PREPL: variants seen among roughly 807,000 people sequenced by gnomAD.
The protein encoded by PREPL is prolyl endopeptidase like.
A neutral mutation model predicts 70.6 loss-of-function variants in PREPL; 77 were observed. The observed-to-expected ratio is 1.09, with a 90% CI of 0.91 to 1.32. The LOEUF (loss-of-function observed/expected upper bound fraction) is 1.32. Among genes scored for constraint, PREPL ranks in the 40% most tolerant of loss-of-function variants. PREPL has a pLI of 0.00. For missense variants in PREPL, 1,002 were observed against 778.2 expected, an observed-to-expected ratio of 1.29 and a Z score of -3.42; for synonymous variants, 315 against 264.8, an observed-to-expected ratio of 1.19 and a Z score of -1.84.
rs537444624 is a variant in PREPL at position 44,343,816 on chromosome 2, G to A, written c.278C>T (p.Ser93Phe). ...GCTGAGCTTTATAATTACACAGGTA[G>A]ATGCTTCAGAATCTTCAGTTCTTAT... ...AKIRTEDSEASTCVIIKLSDQ... is the reference protein window; with the variant it reads ...AKIRTEDSEAFTCVIIKLSDQ... The change falls in exon 4 of 14, where the codon TCT (serine) becomes TTT (phenylalanine). Residue 93 changes from serine (S) to phenylalanine (F), a missense_variant. Transcript: ENST00000409411. 6.2e-7 allele frequency: 1 copy of A among 1,613,956 alleles called. No homozygotes were observed. The highest frequency in any genetic ancestry group is 2.2e-5 in the East Asian group (1 of 44,872).
At chr2:44,335,538 A>C (rs1674549186) in intron 7 of PREPL, among the ~76,000 whole-genome samples, 1 of 152,136 alleles carries the variant, frequency 6.6e-6, no homozygotes, top group South Asian at 2.1e-4. Flanking sequence ...TCCTTACACC[A>C]TATATACAAA....
At chr2:44,354,087 T>G (rs896664687) in intron 1 of PREPL, among the ~76,000 whole-genome samples, 1 of 151,722 alleles carries the variant, frequency 6.6e-6, no homozygotes, top group South Asian at 2.1e-4. Context: ...GCCCAGGAGG[T>G]TGAGGCTGCA....
chr2:44,361,248 G>A (rs1572605647), intron 1 of PREPL, 132 bp downstream of exon 1: 1 of 152,500 alleles, frequency 6.6e-6, no homozygotes, highest in South Asian at 2.1e-4. Flanking sequence ...GCAACAGGGA[G>A]AGGGACCAGG....
rs1672877404 is a variant in PREPL, at chr2:44,320,798, GA to G, written c.*557del. 3.0e-6 allele frequency: 2 copies of G among 672,828 alleles called. No homozygotes were observed. The highest frequency in any genetic ancestry group is 5.1e-6 in the Non-Finnish European group (2 of 390,596). The allele number at this position is 672,828 out of a possible 1,614,324, so 41.7% of individuals were successfully genotyped here. A position where few individuals can be genotyped will look rare whatever the true frequency, so the allele number is the denominator to read the frequency against. ...TTTAAGAAAGGTTCTCAAATGTTTTGAAAAAAATAAAATGTTTAAAAGTAAA... is the reference window on the plus strand; with the variant it reads ...TTTAAGAAAGGTTCTCAAATGTTTTGAAAAAATAAAATGTTTAAAAGTAAA... On this transcript the variant is annotated 3_prime_UTR_variant, in exon 14 of 14. Coordinates refer to ENST00000409411, the MANE Select transcript of PREPL (RefSeq NM_001171613.2).
chr2:44,340,197 T>C (rs1043934525), intron 5 of PREPL, among the ~76,000 whole-genome samples: 1 of 152,090 alleles, frequency 6.6e-6, no homozygotes, highest in Non-Finnish European at 1.5e-5. Context: ...AAAATTTAGA[T>C]TTTAATGTTT....
intron 12 of PREPL, 60 bp from the exon 13 acceptor site, chr2:44,321,960 G>C (rs749368989): frequency 6.0e-6 from 9 of 1,497,032 alleles, no homozygotes; most frequent in Admixed American, 1.9e-5. Flanking sequence ...TTGGAAGATC[G>C]AGACCCATTC....
chr2:44,359,767 G>A (rs1470208133), intron 1 of PREPL: 1 of 1,268,452 alleles, frequency 7.9e-7, no homozygotes, highest in East Asian at 2.3e-5. Context: ...GCACACGAAT[G>A]ATTTTATAGG....
chr2:44,321,984 T>G, intron 12 of PREPL, 84 bp from the exon 13 acceptor site: 1 of 1,363,836 alleles, frequency 7.3e-7, no homozygotes, highest in East Asian at 2.3e-5. Flanking sequence ...CCCTCTTCTT[T>G]GAGTACTCAG....
chr2:44,333,326 G>T (rs1450769055), intron 7 of PREPL, among the ~76,000 whole-genome samples: 1 of 152,136 alleles, frequency 6.6e-6, no homozygotes, highest in African/African-American at 2.4e-5. Flanking sequence ...TCTCAGAGCA[G>T]CAGGGTCCAG....
rs148092524 is a variant in PREPL at position 44,322,730 on chromosome 2, C to A, written c.1753+1G>T. The A allele has an allele frequency of 2.4e-4, 390 of 1,612,814 alleles. 2 individuals carry two copies. In the East Asian group the frequency reaches 7.1e-3, roughly 29 times the overall value. ...TTCCCTGCTTCTAGGGGGTCTCCTA[C>A]CTTCACCTGTGTCCTTAGCATGCTC... On this transcript the variant is annotated splice_donor_variant, in intron 12 of 13. Transcript: ENST00000409411. LOFTEE classifies it high-confidence loss of function.
intron 10 of PREPL, 130 bp downstream of exon 10, chr2:44,326,582 A>C (rs1673521420): frequency 2.2e-6 from 2 of 894,626 alleles, no homozygotes; most frequent in East Asian, 4.9e-5. Flanking sequence ...CAATCTGCCC[A>C]CCTCAGTTTC....
At chr2:44,358,448 A>T (rs1572589311) in intron 1 of PREPL, among the ~76,000 whole-genome samples, 1 of 152,234 alleles carries the variant, frequency 6.6e-6, no homozygotes, top group Non-Finnish European at 1.5e-5. Flanking sequence ...TATTGCAAGA[A>T]TACCACCCCC....
chr2:44,352,124 G>C lies in PREPL; in HGVS notation c.-48-5734C>G, dbSNP rs146531686. Among the ~76,000 whole-genome samples, 6 of 152,194 alleles carry C rather than the reference G, an allele frequency of 3.9e-5. No homozygotes were observed. In the East Asian group the frequency reaches 7.7e-4, roughly 20 times the overall value. On this transcript the variant is annotated intron_variant, in intron 1 of 13. Transcript: ENST00000409411. ...TGCTCAAATGTCATCTTCTAAGTTA[G>C]GCCTTTCCTAACCATTTTACTAAAA...
chr2:44,337,649 G>A (rs1674771126), intron 7 of PREPL, among the ~76,000 whole-genome samples: 1 of 152,154 alleles, frequency 6.6e-6, no homozygotes, highest in African/African-American at 2.4e-5. Flanking sequence ...TCCCTTCAGT[G>A]CCTACTACCT....
intron 1 of PREPL, among the ~76,000 whole-genome samples, chr2:44,358,263 G>A (rs970109703): frequency 6.6e-6 from 1 of 152,088 alleles, no homozygotes; most frequent in African/African-American, 2.4e-5. Flanking sequence ...CAACACAGAT[G>A]AACTTTGAAA....
Position 44,326,684 on chromosome 2 carries a change from ATAAACAGTAGAGACAGAGCG to A in PREPL, c.1479+8_1479+27del, listed in dbSNP as rs756006345. 1.3e-6 allele frequency: 2 copies of A among 1,597,148 alleles called. No individual in the cohort carries two copies. The highest frequency in any genetic ancestry group is 1.7e-6 in the Non-Finnish European group (2 of 1,166,030). ...TATGGCTTCACACCTCCCCCATTCT[ATAAACAGTAGAGACAGAGCG>A]TACTCACCTCCAAAGTCACCGCTCT... On this transcript the variant is annotated splice_region_variant and intron_variant, in intron 10 of 13. Transcript: ENST00000409411.
At chr2:44,349,912 CTA>C (rs1173129845) in intron 1 of PREPL, among the ~76,000 whole-genome samples, 2 of 151,954 alleles carry the variant, frequency 1.3e-5, no homozygotes, top group African/African-American at 4.8e-5. Context: ...AATAGAAAAG[CTA>C]TATAAGTCAC....
chr2:44,353,025 T>G (rs183990419), intron 1 of PREPL, among the ~76,000 whole-genome samples: 17 of 152,168 alleles, frequency 1.1e-4, no homozygotes, highest in African/African-American at 4.1e-4. Context: ...GACAGGAGGA[T>G]TGCTTGAGCC....
chr2:44,342,434 G>A lies in PREPL; in HGVS notation c.468C>T (p.Tyr156=), dbSNP rs1219540003. The A allele has an allele frequency of 1.2e-6, 2 of 1,612,202 alleles. No individual in the cohort carries two copies. The highest frequency in any genetic ancestry group is 2.2e-5 in the South Asian group (2 of 90,906). ...FGDNKRNERF[Y]TEKDPSYFVF... ...TCTAGTACCTTGGGTCTTTTTCTGT[G>A]TAAAAGCGTTCATTACGTTTGTTAT... The change falls in exon 5 of 14, where the codon TAC becomes TAT. Residue 156 remains tyrosine (Y), a synonymous_variant. Coordinates refer to ENST00000409411, the MANE Select transcript of PREPL (RefSeq NM_001171613.2).
Sources: allele counts gnomAD v4.1 joint callset (sites outside exome capture counted in the v4.1 genomes callset), GRCh38; gene constraint gnomAD v4.1.1; transcripts MANE v1.5; gene names NCBI Gene and HGNC (gene_info 2026-07-23, HGNC 2026-07-21).